FAM107A: variants seen among roughly 807,000 people sequenced by gnomAD.
FAM107A encodes family with sequence similarity 107 member A.
FAM107A carries 19 observed loss-of-function variants against 13.7 expected under a neutral mutation model. That is an observed-to-expected ratio of 1.38 (90% CI 0.97 to 2.03). The LOEUF is 2.03. Among genes scored for constraint, FAM107A ranks in the 30% most tolerant of loss-of-function variants. The pLI is 0.00. For synonymous variants in FAM107A, 82 were observed against 74.5 expected, an observed-to-expected ratio of 1.10 and a Z score of -0.52; for missense variants, 203 against 184.4, an observed-to-expected ratio of 1.10 and a Z score of -0.58.
intron 1 of FAM107A, among the ~76,000 whole-genome samples, chr3:58,595,472 C>T (rs1271541308): frequency 1.3e-5 from 2 of 152,166 alleles, no homozygotes; most frequent in African/African-American, 4.8e-5. Context: ...CCTCCCTGCC[C>T]TTGCGATAAT....
chr3:58,569,995 C>T lies in FAM107A; in HGVS notation c.-5-130G>A, dbSNP rs1187575948. On this transcript the variant is annotated intron_variant, in intron 1 of 3. Coordinates refer to ENST00000360997, the MANE Select transcript of FAM107A (RefSeq NM_001076778.3). This position sits in a 1 kb window ranked among gnomAD's most constrained non-coding sequence, Gnocchi z 5.7. ...CCACCTGCTACTGCGCATACCTGGG[C>T]AAGCTACCTGACTTTCTGAGCCTTA... The T allele has an allele frequency of 1.2e-6, 1 of 836,572 alleles. No individual in the cohort carries two copies. The highest frequency in any genetic ancestry group is 1.7e-5 in the African/African-American group (1 of 57,774). 51.8% of individuals were successfully genotyped at this position (836,572 alleles called of 1,614,324 possible).
At chr3:58,586,621 C>T (rs2065608793) in intron 1 of FAM107A, among the ~76,000 whole-genome samples, 1 of 152,080 alleles carries the variant, frequency 6.6e-6, no homozygotes, top group African/African-American at 2.4e-5. Flanking sequence ...TCGCTTGAGC[C>T]CAGGAGTTGG....
upstream of FAM107A, among the ~76,000 whole-genome samples, chr3:58,588,416 G>T (rs556934480): frequency 6.6e-6 from 1 of 152,208 alleles, no homozygotes; most frequent in Non-Finnish European, 1.5e-5. Context: ...CTCTGACTCA[G>T]GGGTCCTGTA....
chr3:58,596,376 C>T (rs1359214063), intron 1 of FAM107A, among the ~76,000 whole-genome samples: 1 of 152,144 alleles, frequency 6.6e-6, no homozygotes, highest in Admixed American at 6.6e-5. Flanking sequence ...TGTTTTTAAA[C>T]ATTTAAAAAT....
At chr3:58,620,386 C>A (rs571613378) in intron 1 of FAM107A, among the ~76,000 whole-genome samples, 1 of 152,212 alleles carries the variant, frequency 6.6e-6, no homozygotes, top group South Asian at 2.1e-4. Context: ...AATGCACATG[C>A]GGTTCTGAGA....
chr3:58,606,632 G>T (rs1559484895), intron 1 of FAM107A, among the ~76,000 whole-genome samples: 1 of 152,230 alleles, frequency 6.6e-6, no homozygotes, highest in Non-Finnish European at 1.5e-5. Context: ...GTTTAAGTGA[G>T]CTTAATCCAG....
At chr3:58,586,607 A>C (rs1416381813) in intron 1 of FAM107A, among the ~76,000 whole-genome samples, 1 of 152,082 alleles carries the variant, frequency 6.6e-6, no homozygotes, top group African/African-American at 2.4e-5. Flanking sequence ...GAGGATGGGG[A>C]GGATCGCTTG....
At position 58,564,598 on chromosome 3, in the gene FAM107A, A is replaced by T. The variant is rs751553283; in HGVS notation, c.*1990T>A. 4 of 152,248 alleles carry T rather than the reference A, an allele frequency of 2.6e-5. No homozygotes were observed. The highest frequency in any genetic ancestry group is 5.9e-5 in the Non-Finnish European group (4 of 68,046). 9.4% of individuals were successfully genotyped at this position (152,248 alleles called of 1,614,324 possible). A position where few individuals can be genotyped will look rare whatever the true frequency, so the allele number is the denominator to read the frequency against. ...CTTCATGGAATGACTTGTTGCCTCC[A>T]TGGAGCACCTCTGGGGACCACTGGG... is the stretch of plus-strand genomic sequence containing the variant. On this transcript the variant is annotated 3_prime_UTR_variant, in exon 4 of 4. Transcript: ENST00000360997. The surrounding 1 kb of genome is among the most constrained non-coding windows in gnomAD (Gnocchi z 5.6).
At chr3:58,589,785 A>C (rs1203597850), upstream of FAM107A, among the ~76,000 whole-genome samples, 1 of 152,166 alleles carries the variant, frequency 6.6e-6, no homozygotes, top group East Asian at 1.9e-4. Flanking sequence ...TTCAGTCATC[A>C]TGTCCCCTCT....
intron 3 of FAM107A, 80 bp from the exon 4 acceptor site, chr3:58,566,775 A>G (rs2063626259): frequency 8.5e-7 from 1 of 1,171,608 alleles, no homozygotes; most frequent in Non-Finnish European, 1.3e-6. Context: ...GTTTGGACCA[A>G]GGGCCCACTC....
chr3:58,566,842 G>T (rs2063626732), intron 3 of FAM107A, 147 bp from the exon 4 acceptor site: 11 of 660,446 alleles, frequency 1.7e-5, no homozygotes, highest in Non-Finnish European at 2.7e-5. Context: ...GGTAGCTGGG[G>T]CACAGAGCAT....
rs571893553 is a variant in FAM107A at position 58,567,579 on chromosome 3, G to A, written c.171-215C>T. Among the ~76,000 whole-genome samples, 3 of 152,318 alleles carry A rather than the reference G, an allele frequency of 2.0e-5. No homozygotes were observed. The East Asian group carries it at 5.8e-4, about 29-fold the overall frequency. ...CAGTCCAAGACATAGCTACAGGTAG[G>A]CCACATGAGGATTTGAACCCAGGCC... On this transcript the variant is annotated intron_variant, in intron 2 of 3. Transcript: ENST00000360997.
chr3:58,566,525 C>T lies in FAM107A; in HGVS notation c.*63G>A. On this transcript the variant is annotated 3_prime_UTR_variant, in exon 4 of 4. Transcript: ENST00000360997. Reference sequence around the variant, plus strand: ...GCCTGGGGCCCAGGGCTGCCAGGTACAGAAGGGCTGAAGGAGGCTGTCCAG... The same window carrying T: ...GCCTGGGGCCCAGGGCTGCCAGGTATAGAAGGGCTGAAGGAGGCTGTCCAG... The T allele has an allele frequency of 8.3e-7, 1 of 1,210,760 alleles. No homozygotes were observed. The highest frequency in any genetic ancestry group is 1.2e-6 in the Non-Finnish European group (1 of 817,910). 75.0% of individuals were successfully genotyped at this position (1,210,760 alleles called of 1,614,324 possible).
At chr3:58,611,210 T>A (rs7649369) in intron 1 of FAM107A, among the ~76,000 whole-genome samples, 1 of 152,226 alleles carries the variant, frequency 6.6e-6, no homozygotes, top group Non-Finnish European at 1.5e-5. Flanking sequence ...TCCCAGTCTC[T>A]GGTATCTCTT....
chr3:58,578,242 T>C (rs567957265), upstream of FAM107A, among the ~76,000 whole-genome samples: 50 of 152,268 alleles, frequency 3.3e-4, no homozygotes, highest in Middle Eastern at 6.8e-3. Flanking sequence ...GTTCCATAAG[T>C]AGTGGCTCAA....
intron 1 of FAM107A, among the ~76,000 whole-genome samples, chr3:58,595,481 A>T (rs1177571511): frequency 6.6e-6 from 1 of 152,108 alleles, no homozygotes; most frequent in Non-Finnish European, 1.5e-5. Flanking sequence ...CCTTGCGATA[A>T]TGTATATTCC....
upstream of FAM107A, among the ~76,000 whole-genome samples, chr3:58,580,889 T>C (rs1653759237): frequency 6.6e-6 from 1 of 152,152 alleles, no homozygotes; most frequent in Non-Finnish European, 1.5e-5. Flanking sequence ...AGAAAAAGAC[T>C]CTAAGAATTA....
intron 1 of FAM107A, among the ~76,000 whole-genome samples, chr3:58,620,685 C>T (rs1391565939): frequency 6.6e-6 from 1 of 152,222 alleles, no homozygotes; most frequent in Non-Finnish European, 1.5e-5. Context: ...GGGCACATGG[C>T]TCCACTGGTA....
intron 1 of FAM107A, among the ~76,000 whole-genome samples, chr3:58,611,588 C>T (rs1316018269): frequency 6.6e-6 from 1 of 152,222 alleles, no homozygotes; most frequent in Non-Finnish European, 1.5e-5. Flanking sequence ...TCAGGGATTG[C>T]TTCCTGGGTT....
Sources: gnomAD v4.1 joint callset for allele counts (sites outside exome capture counted in the v4.1 genomes callset) on GRCh38, gnomAD v4.1.1 for gene constraint, Gnocchi (gnomAD v3.1) non-coding constraint, MANE v1.5 for transcripts, NCBI Gene and HGNC (gene_info 2026-07-23, HGNC 2026-07-21) for gene names.